Variants in DNAL1 observed in about 807,000 individuals in gnomAD.
DNAL1 encodes dynein axonemal light chain 1.
A neutral mutation model predicts 29.4 loss-of-function variants in DNAL1; 17 were observed. That is an observed-to-expected ratio of 0.58 (90% CI 0.40 to 0.87). The LOEUF is 0.87. DNAL1 is among the 40% of genes least tolerant of loss of function. The pLI, the probability that DNAL1 is intolerant of heterozygous loss-of-function variation, is 0.00. For synonymous variants in DNAL1, 78 were observed against 76.3 expected, an observed-to-expected ratio of 1.02 and a Z score of -0.12; for missense variants, 188 against 214.1, an observed-to-expected ratio of 0.88 and a Z score of 0.76.
intron 4 of DNAL1, among the ~76,000 whole-genome samples, chr14:73,667,007 G>A (rs1008215254): frequency 6.7e-6 from 1 of 149,936 alleles, no homozygotes; most frequent in African/African-American, 2.5e-5. Flanking sequence ...CTAGAGTCAT[G>A]GCCTCACCAT....
At chr14:73,663,320 C>T (rs953444391) in intron 4 of DNAL1, among the ~76,000 whole-genome samples, 6 of 151,414 alleles carry the variant, frequency 4.0e-5, no homozygotes, top group African/African-American at 1.5e-4. Flanking sequence ...ATTCTCTTGC[C>T]TCAGTCTCCT....
At chr14:73,653,950 CTTTA>C (rs771923065) in intron 1 of DNAL1, among the ~76,000 whole-genome samples, 13 of 152,240 alleles carry the variant, frequency 8.5e-5, no homozygotes, top group Non-Finnish European at 1.6e-4. Context: ...ATGACAAATA[CTTTA>C]TTGTCATTTA....
At position 73,656,280 on chromosome 14, in the gene DNAL1, A is replaced by G. The variant is rs78396794; in HGVS notation, c.42+1395A>G. 3.9e-3 allele frequency among the ~76,000 whole-genome samples: 591 copies of G among 152,222 alleles called. 2 individuals carry two copies. The highest frequency in any genetic ancestry group is 0.014 in the African/African-American group (569 of 41,544). ...TGTTAAATATTTAATGAAAAATCTT[A>G]AGGAAAAAAAGCATATGAAGTAGAC... On this transcript the variant is annotated intron_variant, in intron 2 of 7. Transcript: ENST00000553645.
rs760717361 is a variant in DNAL1, at chr14:73,661,990, G to A, written c.156G>A (p.Lys52=). 1.3e-6 allele frequency: 2 copies of A among 1,545,426 alleles called. No individual in the cohort carries two copies. The highest frequency in any genetic ancestry group is 1.7e-6 in the Non-Finnish European group (2 of 1,145,226). Residue 52 remains lysine (K), a synonymous_variant, in exon 4 of 8, where the codon AAG becomes AAA. Transcript: ENST00000553645. ...ASLSMLANCE[K]LSLSTNCIEK... ...TTTTTTCTTTGTTCTTTTAAAGGAA[G>A]CTTTCACTGTCTACAAACTGCATTG...
intron 5 of DNAL1, among the ~76,000 whole-genome samples, chr14:73,683,088 C>A (rs1207162773): frequency 3.9e-5 from 6 of 151,984 alleles, no homozygotes; most frequent in Non-Finnish European, 7.4e-5. Context: ...GTTGGTCAGG[C>A]TGGTCTCGAA....
Position 73,654,847 on chromosome 14 carries a change from G to A in DNAL1, c.4G>A (p.Ala2Thr). M[A>T]KATTIKEALA... ...TTCTTTCTTTTTTTTTTTTTTAAAG[G>A]CGAAAGCAACAACAATCAAAGAAGC... Residue 2 changes from alanine (A) to threonine (T), a missense_variant and splice_region_variant, in exon 2 of 8, where the codon GCG becomes ACG. Ala to Thr is a moderately conservative substitution (Grantham distance 58). Transcript: ENST00000553645. 2 of 1,514,832 alleles carry A rather than the reference G, an allele frequency of 1.3e-6. No homozygotes were observed. The highest frequency in any genetic ancestry group is 8.8e-7 in the Non-Finnish European group (1 of 1,136,900). 93.8% of individuals were successfully genotyped at this position (1,514,832 alleles called of 1,614,324 possible).
At chr14:73,689,026 GTTTTTTTTTTTTT>G (rs71112794) in intron 6 of DNAL1, among the ~76,000 whole-genome samples, 2 of 92,248 alleles carry the variant, frequency 2.2e-5, no homozygotes, top group African/African-American at 4.9e-5. Flanking sequence ...AAAACTTGCT[GTTTTTTTTTTTTT>G]TTTTTTTTTT....
intron 1 of DNAL1, among the ~76,000 whole-genome samples, chr14:73,648,955 C>T (rs549645084): frequency 6.6e-6 from 1 of 150,808 alleles, no homozygotes; most frequent in African/African-American, 2.4e-5. Flanking sequence ...AGAAGTGATC[C>T]TTGATGTGCT....
intron 5 of DNAL1, among the ~76,000 whole-genome samples, chr14:73,676,547 A>G (rs1891736783): frequency 6.6e-6 from 1 of 152,198 alleles, no homozygotes; most frequent in South Asian, 2.1e-4. Flanking sequence ...ATATCCTTCA[A>G]TGTCAATACA....
chr14:73,678,105 C>T (rs565696564), intron 5 of DNAL1, among the ~76,000 whole-genome samples: 1 of 151,512 alleles, frequency 6.6e-6, no homozygotes, highest in East Asian at 1.9e-4. Flanking sequence ...ACCATGTTGC[C>T]CAGGCTGGTC....
intron 5 of DNAL1, among the ~76,000 whole-genome samples, chr14:73,684,136 T>TTATG (rs1424447001): frequency 6.6e-6 from 1 of 152,262 alleles, no homozygotes; most frequent in Non-Finnish European, 1.5e-5. Context: ...TCATGCTTTT[T>TTATG]TATGGCTGAA....
At chr14:73,656,434 CTTT>C (rs558976461) in intron 2 of DNAL1, among the ~76,000 whole-genome samples, 3 of 132,628 alleles carry the variant, frequency 2.3e-5, no homozygotes, top group Admixed American at 7.6e-5. Context: ...ACATTTTTGA[CTTT>C]TTTTTTTTTT....
chr14:73,669,925 G>A (rs564483632), intron 4 of DNAL1, among the ~76,000 whole-genome samples: 1 of 152,112 alleles, frequency 6.6e-6, no homozygotes, highest in South Asian at 2.1e-4. Context: ...TTTCTTGTAA[G>A]ACAAATTAAT....
intron 5 of DNAL1, among the ~76,000 whole-genome samples, chr14:73,675,211 A>AC (rs1566886373): frequency 6.8e-6 from 1 of 147,254 alleles, no homozygotes; most frequent in African/African-American, 2.5e-5. Context: ...CTCACACACA[A>AC]ACACACACAC....
In DNAL1 at chr14:73,695,771, C is replaced by A. The variant is rs1595230534; in HGVS notation, c.533-131C>A. ...CTTGAACTCCTGACCTCAGGTGATC[C>A]ACCCGCCTCAGCCTCCCAAAGTGCT... On this transcript the variant is annotated intron_variant, in intron 7 of 7. Transcript: ENST00000553645. The A allele has an allele frequency of 1.0e-5, 6 of 575,734 alleles. No individual in the cohort carries two copies. In the East Asian group the frequency reaches 2.3e-4, roughly 22 times the overall value. The allele number at this position is 575,734 out of a possible 1,614,324, so 35.7% of individuals were successfully genotyped here. A position where few individuals can be genotyped will look rare whatever the true frequency, so the allele number is the denominator to read the frequency against.
intron 2 of DNAL1, among the ~76,000 whole-genome samples, chr14:73,658,467 AT>A (rs1183862914): frequency 6.6e-6 from 1 of 152,222 alleles, no homozygotes; most frequent in African/African-American, 2.4e-5. Context: ...TAGGAATTAC[AT>A]TGAATCTGTA....
At chr14:73,693,934 A>G (rs1228776289) in intron 7 of DNAL1, among the ~76,000 whole-genome samples, 2 of 152,082 alleles carry the variant, frequency 1.3e-5, no homozygotes, top group African/African-American at 2.4e-5. Context: ...CGCGTCAACA[A>G]AAAGTTCACT....
chr14:73,689,853 T>A (rs570353317), intron 7 of DNAL1, among the ~76,000 whole-genome samples: 2 of 151,886 alleles, frequency 1.3e-5, no homozygotes, highest in South Asian at 4.2e-4. Context: ...CTGGCCAACA[T>A]GGTGAAACCC....
intron 7 of DNAL1, among the ~76,000 whole-genome samples, chr14:73,694,941 G>A (rs1283857684): frequency 2.6e-5 from 4 of 151,750 alleles, no homozygotes; most frequent in African/African-American, 7.3e-5. Flanking sequence ...CACCCGCCTC[G>A]GCCTCCCAAA....
Sources: allele counts gnomAD v4.1 joint callset (sites outside exome capture counted in the v4.1 genomes callset), GRCh38; gene constraint gnomAD v4.1.1; transcripts MANE v1.5; gene names NCBI Gene and HGNC (gene_info 2026-07-23, HGNC 2026-07-21).